Variants in SEPTIN9 observed in about 807,000 individuals in gnomAD.
The protein encoded by SEPTIN9 is septin-9.
In SEPTIN9, 13 loss-of-function variants were observed where a neutral mutation model predicts 56.6. The observed-to-expected ratio is 0.23, with a 90% CI of 0.15 to 0.37. The LOEUF (loss-of-function observed/expected upper bound fraction) is 0.37, where lower values mean the gene tolerates loss of function less well. SEPTIN9 is among the 10% of genes least tolerant of loss of function. The probability of loss-of-function intolerance (pLI) is 1.00; values close to 1 mark genes in which losing one functional copy is unlikely to be tolerated. For missense variants in SEPTIN9, 650 were observed against 823.1 expected (o/e 0.79, Z 2.57); for synonymous variants, 332 against 334.1 (o/e 0.99, Z 0.07).
chr17:77,465,610 C>T lies in SEPTIN9; in HGVS notation c.722-16534C>T, dbSNP rs76208859. ...CTAGGATGAATGGACATTGAATCAA[C>T]GCAGGGATGGGTGGGGCTGGGGTGG... is the stretch of plus-strand genomic sequence containing the variant. On this transcript the variant is annotated intron_variant, in intron 3 of 11. Transcript: ENST00000427177. Among the ~76,000 whole-genome samples, 23 of 142,890 alleles carry T rather than the reference C, an allele frequency of 1.6e-4. No homozygotes were observed. In the East Asian group the frequency reaches 2.7e-3, roughly 17 times the overall value. 93.7% of individuals were successfully genotyped at this position (142,890 alleles called of 152,430 possible).
chr17:77,395,006 G>C (rs1021956620), intron 2 of SEPTIN9, among the ~76,000 whole-genome samples: 1 of 152,150 alleles, frequency 6.6e-6, no homozygotes, highest in Non-Finnish European at 1.5e-5. Flanking sequence ...GTGGGGATGG[G>C]GATGGGCCAG....
Position 77,500,221 on chromosome 17 carries a change from C to T in SEPTIN9, c.*1563C>T, listed in dbSNP as rs2040444209. ...GGGCACTGGGCGTCTGACTCCCTCC[C>T]CACCCAAGAGAGGAAGGACCCCTCA... is the stretch of plus-strand genomic sequence containing the variant. On this transcript the variant is annotated 3_prime_UTR_variant, in exon 12 of 12. Transcript: ENST00000427177. 4.3e-6 allele frequency: 1 copy of T among 232,224 alleles called. No homozygotes were observed. The highest frequency in any genetic ancestry group is 5.6e-5 in the Admixed American group (1 of 17,748). The allele number at this position is 232,224 out of a possible 1,614,324, so 14.4% of individuals were successfully genotyped here.
At chr17:77,413,761 C>T (rs1264629624) in intron 3 of SEPTIN9, among the ~76,000 whole-genome samples, 5 of 151,836 alleles carry the variant, frequency 3.3e-5, no homozygotes, top group African/African-American at 9.7e-5. Flanking sequence ...TTGGAGTTGC[C>T]CAGAGAGCAG....
chr17:77,381,965 T>A (rs949797693), intron 2 of SEPTIN9, among the ~76,000 whole-genome samples: 1 of 151,964 alleles, frequency 6.6e-6, no homozygotes, highest in Non-Finnish European at 1.5e-5. Flanking sequence ...GGGGTAGGAG[T>A]TTGCCAGGCA....
chr17:77,368,994 C>T (rs1036707845), intron 2 of SEPTIN9, among the ~76,000 whole-genome samples: 2 of 152,224 alleles, frequency 1.3e-5, no homozygotes, highest in African/African-American at 4.8e-5. Context: ...GTAATCCCAG[C>T]ACTTTGGGAG....
chr17:77,322,035 G>A (rs1197217746), intron 2 of SEPTIN9, among the ~76,000 whole-genome samples: 1 of 152,232 alleles, frequency 6.6e-6, no homozygotes, highest in Non-Finnish European at 1.5e-5. Flanking sequence ...TGCCTCCTGG[G>A]CCACCAGCCC....
intron 3 of SEPTIN9, among the ~76,000 whole-genome samples, chr17:77,462,484 A>G (rs965263120): frequency 6.6e-6 from 1 of 151,882 alleles, no homozygotes; most frequent in Non-Finnish European, 1.5e-5. Flanking sequence ...GGGTCCCACT[A>G]TGTTGCCCGG....
At chr17:77,315,157 C>T (rs894708852) in intron 2 of SEPTIN9, among the ~76,000 whole-genome samples, 4 of 152,082 alleles carry the variant, frequency 2.6e-5, no homozygotes, top group South Asian at 2.1e-4. Context: ...AGGGCCGGGC[C>T]GTGTTCTGGG....
chr17:77,403,610 T>C, intron 3 of SEPTIN9, among the ~76,000 whole-genome samples: 1 of 152,156 alleles, frequency 6.6e-6, no homozygotes, highest in Non-Finnish European at 1.5e-5. Context: ...TCCATGGGGC[T>C]ATAGTAAGGT....
In SEPTIN9 at chr17:77,436,759, A is replaced by G. The variant is rs557120097; in HGVS notation, c.721+34056A>G. Among the ~76,000 whole-genome samples, 8 of 152,338 alleles carry G rather than the reference A, an allele frequency of 5.3e-5. No individual in the cohort carries two copies. Among genetic ancestry groups the G allele is most frequent in the Middle Eastern group, 3.4e-3 (1 of 294 alleles). On this transcript the variant is annotated intron_variant, in intron 3 of 11. Coordinates refer to ENST00000427177, the MANE Select transcript of SEPTIN9 (RefSeq NM_001113491.2). The surrounding 1 kb of genome is among the most constrained non-coding windows in gnomAD (Gnocchi z 4.4). ...AGCCCCCATCCTGGGAGTGACTGAA[A>G]GTCCTTGGGGGTTCCTGCAGGGTGA... is the stretch of plus-strand genomic sequence containing the variant.
At chr17:77,474,857 C>G (rs1341189369) in intron 3 of SEPTIN9, among the ~76,000 whole-genome samples, 2 of 152,154 alleles carry the variant, frequency 1.3e-5, no homozygotes, top group East Asian at 3.9e-4. Flanking sequence ...TATAATAGCT[C>G]CTGAGCAGCG....
chr17:77,305,988 ATGGAT>A (rs1214921750), intron 1 of SEPTIN9, among the ~76,000 whole-genome samples: 2 of 50,888 alleles, frequency 3.9e-5, no homozygotes, highest in African/African-American at 8.1e-5. Flanking sequence ...GGACAGGTGA[ATGGAT>A]TGGTGGGTGG....
chr17:77,428,886 G>A (rs2037015558), intron 3 of SEPTIN9: 1 of 412,232 alleles, frequency 2.4e-6, no homozygotes, highest in African/African-American at 2.1e-5. Flanking sequence ...CTCTGAATTT[G>A]CCTCATCGTA....
At chr17:77,332,636 C>T (rs377283152) in intron 2 of SEPTIN9, among the ~76,000 whole-genome samples, 1 of 152,326 alleles carries the variant, frequency 6.6e-6, no homozygotes, top group Admixed American at 6.5e-5. Context: ...CTGACCAGAA[C>T]ATAGAACATC....
chr17:77,374,957 T>C (rs1598273276), intron 2 of SEPTIN9: 1 of 152,278 alleles, frequency 6.6e-6, no homozygotes, highest in Non-Finnish European at 1.5e-5. Context: ...AAAGCCCTTT[T>C]TCAGGCTCTA....
chr17:77,481,275 T>C (rs1335838046), intron 3 of SEPTIN9, among the ~76,000 whole-genome samples: 1 of 152,218 alleles, frequency 6.6e-6, no homozygotes, highest in Non-Finnish European at 1.5e-5. Context: ...GAAGTTCAGC[T>C]CCACGTGCCC....
chr17:77,298,895 C>A (rs986391952), intron 1 of SEPTIN9, among the ~76,000 whole-genome samples: 4 of 152,180 alleles, frequency 2.6e-5, no homozygotes, highest in African/African-American at 9.7e-5. Flanking sequence ...CTCACTGCAG[C>A]CTTGAACTTC....
At position 77,421,067 on chromosome 17, in the gene SEPTIN9, G is replaced by A. The variant is rs1347091092; in HGVS notation, c.721+18364G>A. 2.6e-5 allele frequency among the ~76,000 whole-genome samples: 4 copies of A among 152,198 alleles called. No homozygotes were observed. The highest frequency in any genetic ancestry group is 9.6e-5 in the African/African-American group (4 of 41,460). Reference sequence around the variant, plus strand: ...GGTACTGTGCAGTGGTCGGGGTAGGGGTGGAGCTCTGCCGTCGCTGACTCC... The same window carrying A: ...GGTACTGTGCAGTGGTCGGGGTAGGAGTGGAGCTCTGCCGTCGCTGACTCC... On this transcript the variant is annotated intron_variant, in intron 3 of 11. Transcript: ENST00000427177. This position sits in a 1 kb window ranked among gnomAD's most constrained non-coding sequence, Gnocchi z 4.6.
intron 3 of SEPTIN9, among the ~76,000 whole-genome samples, chr17:77,455,653 A>C (rs1339817546): frequency 6.6e-6 from 1 of 152,160 alleles, no homozygotes; most frequent in African/African-American, 2.4e-5. Context: ...GGGGGCCCCC[A>C]GCGGGCGGGG....
Sources: gnomAD v4.1 joint callset for allele counts (sites outside exome capture counted in the v4.1 genomes callset) on GRCh38, gnomAD v4.1.1 for gene constraint, Gnocchi (gnomAD v3.1) non-coding constraint, MANE v1.5 for transcripts, NCBI Gene and HGNC (gene_info 2026-07-23, HGNC 2026-07-21) for gene names.